ADGRV1: variants seen among roughly 807,000 people sequenced by gnomAD.
ADGRV1 encodes G-protein coupled receptor 98.
A neutral mutation model predicts 596.2 loss-of-function variants in ADGRV1; 359 were observed. The observed-to-expected ratio is 0.60, with a 90% confidence interval of 0.55 to 0.66. ADGRV1 has a LOEUF of 0.66. Ranked by LOEUF, ADGRV1 falls within the 30% of genes least tolerant of loss-of-function variation. The pLI is 0.00. For missense variants in ADGRV1, 7,274 were observed against 7,575.6 expected (o/e 0.96, Z 1.48); for synonymous variants, 2,681 against 2,679.2 (o/e 1.00, Z -0.02).
intron 87 of ADGRV1, among the ~76,000 whole-genome samples, chr5:91,131,892 T>G (rs1460206584): frequency 6.6e-6 from 1 of 152,220 alleles, no homozygotes; most frequent in Non-Finnish European, 1.5e-5. Flanking sequence ...AGAAGGGTAT[T>G]TCCTAAGTTT....
intron 75 of ADGRV1, among the ~76,000 whole-genome samples, chr5:90,822,992 T>C (rs1041645175): frequency 1.1e-4 from 16 of 152,176 alleles, no homozygotes. Context: ...ATCCTGAGAC[T>C]TTGCTGAAGT....
chr5:90,639,920 C>T (rs552856058), intron 11 of ADGRV1, among the ~76,000 whole-genome samples: 1 of 152,090 alleles, frequency 6.6e-6, no homozygotes, highest in Non-Finnish European at 1.5e-5. Flanking sequence ...ATTGTGATAA[C>T]AGTTTATAAT....
At chr5:90,667,876 G>C (rs1240545245) in intron 21 of ADGRV1, among the ~76,000 whole-genome samples, 4 of 152,066 alleles carry the variant, frequency 2.6e-5, no homozygotes, top group African/African-American at 9.7e-5. Flanking sequence ...GCCGTGTGAG[G>C]TGTCAGTGTG....
chr5:90,623,171 C>T (rs1764315479), intron 5 of ADGRV1, among the ~76,000 whole-genome samples: 1 of 152,168 alleles, frequency 6.6e-6, no homozygotes, highest in African/African-American at 2.4e-5. Context: ...TGATCTGATA[C>T]ATTTCATGAT....
intron 85 of ADGRV1, among the ~76,000 whole-genome samples, chr5:90,987,793 C>G (rs1340162689): frequency 6.6e-6 from 1 of 152,034 alleles, no homozygotes; most frequent in African/African-American, 2.4e-5. Flanking sequence ...CTTCTAGGCT[C>G]TTCCCTAGAA....
chr5:90,943,756 C>A (rs771955519), intron 83 of ADGRV1, among the ~76,000 whole-genome samples: 1 of 152,106 alleles, frequency 6.6e-6, no homozygotes, highest in Non-Finnish European at 1.5e-5. Flanking sequence ...ACATTCCTAC[C>A]CCTTCCTTTG....
intron 1 of ADGRV1, among the ~76,000 whole-genome samples, chr5:90,600,910 A>G (rs1761321401): frequency 6.6e-6 from 1 of 152,230 alleles, no homozygotes; most frequent in Non-Finnish European, 1.5e-5. Flanking sequence ...GATGCATTAA[A>G]AAAACATTCA....
intron 4 of ADGRV1, 77 bp downstream of exon 4, chr5:90,619,258 T>A (rs1763743724): frequency 3.2e-6 from 2 of 628,374 alleles, no homozygotes; most frequent in Admixed American, 7.5e-5. Flanking sequence ...TTTCATGATG[T>A]TAGCTAGTAT....
intron 50 of ADGRV1, among the ~76,000 whole-genome samples, chr5:90,739,519 A>G (rs1397645198): frequency 6.6e-6 from 1 of 152,132 alleles, no homozygotes; most frequent in Non-Finnish European, 1.5e-5. Context: ...AGACTTTGTT[A>G]TCATGTTTTG....
intron 1 of ADGRV1, among the ~76,000 whole-genome samples, chr5:90,570,972 C>A (rs1756452202): frequency 3.3e-5 from 5 of 152,002 alleles, no homozygotes; most frequent in Admixed American, 3.3e-4. Flanking sequence ...GTGTATTGCT[C>A]ATATTTTCTT....
At chr5:90,719,808 A>T (rs1750674466) in intron 43 of ADGRV1, among the ~76,000 whole-genome samples, 1 of 152,250 alleles carries the variant, frequency 6.6e-6, no homozygotes, top group African/African-American at 2.4e-5. Flanking sequence ...ATGTTATTTT[A>T]AAATGCACTA....
In ADGRV1 at chr5:90,558,891, C is replaced by G. The variant is rs1754411598; in HGVS notation, c.-5C>G. The stretch of plus-strand genomic sequence containing the variant: ...GGGCCGGCGGGGACCGCCGGGAGCG[C>G]GCGGATGTCGGTGTTCCTGGGGCCA... On this transcript the variant is annotated 5_prime_UTR_variant, in exon 1 of 90. Coordinates refer to ENST00000405460, the MANE Select transcript of ADGRV1 (RefSeq NM_032119.4). The G allele has an allele frequency of 6.4e-7, 1 of 1,559,606 alleles. No homozygotes were observed. Among genetic ancestry groups the G allele is most frequent in the South Asian group, 1.2e-5 (1 of 84,932 alleles).
intron 84 of ADGRV1, among the ~76,000 whole-genome samples, chr5:90,974,321 A>G (rs1779349620): frequency 1.3e-5 from 2 of 152,136 alleles, no homozygotes; most frequent in Admixed American, 1.3e-4. Context: ...GCTACCAATG[A>G]CTTTCTTCAC....
In ADGRV1 at chr5:90,662,187, C is replaced by CTTT. The variant is rs5869513; in HGVS notation, c.4752+3927_4752+3929dup. 7.7e-3 allele frequency among the ~76,000 whole-genome samples: 1,011 copies of CTTT among 130,788 alleles called. 97 individuals are homozygous for CTTT. Among genetic ancestry groups the CTTT allele is most frequent in the East Asian group, 0.023 (99 of 4,372 alleles). 85.8% of individuals were successfully genotyped at this position (130,788 alleles called of 152,430 possible). ...TGTTTAATCATTTTTGGTTAAACAACTTTTTTTTTTTTTTTTTTTTGAGAC... is the reference window on the plus strand; with the variant it reads ...TGTTTAATCATTTTTGGTTAAACAACTTTTTTTTTTTTTTTTTTTTTTTGAGAC... On this transcript the variant is annotated intron_variant, in intron 21 of 89. Transcript: ENST00000405460.
intron 4 of ADGRV1, among the ~76,000 whole-genome samples, chr5:90,621,354 A>G (rs764434616): frequency 1.3e-5 from 2 of 152,216 alleles, no homozygotes; most frequent in Admixed American, 6.5e-5. Context: ...ATAGTGCAGT[A>G]TCTTTGTTAA....
rs780180737 is a variant in ADGRV1 at position 90,706,400 on chromosome 5, ACT to A, written c.8730+9_8730+10del. On this transcript the variant is annotated splice_region_variant and intron_variant, in intron 38 of 89. Transcript: ENST00000405460. ...TCAACATTACCATTCTTGAGGTAAA[ACT>A]CTTTTTTTTTTTTAATCTTAGGGGG... 1.1e-3 allele frequency: 1,560 copies of A among 1,485,070 alleles called. 12 individuals are homozygous for A. In the East Asian group the frequency reaches 0.033, roughly 32 times the overall value. 92.0% of individuals were successfully genotyped at this position (1,485,070 alleles called of 1,614,324 possible).
intron 1 of ADGRV1, among the ~76,000 whole-genome samples, chr5:90,567,962 T>C (rs1755865675): frequency 6.6e-6 from 1 of 152,132 alleles, no homozygotes; most frequent in Admixed American, 6.5e-5. Context: ...GGTCTCAAAC[T>C]CCTGACCTCA....
At chr5:90,685,289 T>C (rs1745455738) in intron 28 of ADGRV1, among the ~76,000 whole-genome samples, 2 of 152,118 alleles carry the variant, frequency 1.3e-5, no homozygotes, top group African/African-American at 4.8e-5. Flanking sequence ...TATTCTTAAA[T>C]ATAAATAGTA....
chr5:90,965,318 ACT>A, intron 83 of ADGRV1, 95 bp from the exon 84 acceptor site: 1 of 751,896 alleles, frequency 1.3e-6, no homozygotes, highest in Admixed American at 2.0e-5. Context: ...ACATGGAATC[ACT>A]GAGTCATAGA....
Sources: allele counts gnomAD v4.1 joint callset (sites outside exome capture counted in the v4.1 genomes callset), GRCh38; gene constraint gnomAD v4.1.1; transcripts MANE v1.5; gene names NCBI Gene and HGNC (gene_info 2026-07-23, HGNC 2026-07-21).